Variants in FOXK2 observed in about 807,000 individuals in gnomAD.
FOXK2 encodes forkhead box protein K2.
A neutral mutation model predicts 53.3 loss-of-function variants in FOXK2; 24 were observed. The observed-to-expected ratio is 0.45, with a 90% CI of 0.33 to 0.63. FOXK2 has a LOEUF of 0.63. Among genes scored for constraint, FOXK2 ranks in the 30% least tolerant of loss-of-function variants. The pLI, the probability that FOXK2 is intolerant of heterozygous loss-of-function variation, is 0.03. For synonymous variants in FOXK2, 505 were observed against 407.1 expected, an observed-to-expected ratio of 1.24 and a Z score of -2.89; for missense variants, 952 against 910.5, an observed-to-expected ratio of 1.05 and a Z score of -0.59.
At chr17:82,580,865 A>G (rs1598225489) in intron 4 of FOXK2, among the ~76,000 whole-genome samples, 1 of 114,392 alleles carries the variant, frequency 8.7e-6, no homozygotes, top group Non-Finnish European at 1.8e-5. Flanking sequence ...TCTCCATGTC[A>G]CCCATGAAGT....
chr17:82,559,066 A>G (rs539235598), intron 1 of FOXK2, among the ~76,000 whole-genome samples: 7 of 151,984 alleles, frequency 4.6e-5, no homozygotes, highest in Admixed American at 3.9e-4. Flanking sequence ...GTTAATTTTT[A>G]TGTTTTTAGT....
chr17:82,601,270 G>C, intron 8 of FOXK2, 33 bp from the exon 9 acceptor site: 1 of 1,596,238 alleles, frequency 6.3e-7, no homozygotes, highest in Non-Finnish European at 8.5e-7. Context: ...TCACGTGAGA[G>C]CGTGGGGTTC....
At chr17:82,587,924 T>C (rs1293615189) in intron 8 of FOXK2, among the ~76,000 whole-genome samples, 1 of 152,200 alleles carries the variant, frequency 6.6e-6, no homozygotes, top group Non-Finnish European at 1.5e-5. Context: ...TGGCTGATCC[T>C]GGCGCTTGCG....
At position 82,535,754 on chromosome 17, in the gene FOXK2, G is replaced by GT. The variant is rs909303391; in HGVS notation, c.419+15457dup. Among the ~76,000 whole-genome samples, 188 of 143,860 alleles carry GT rather than the reference G, an allele frequency of 1.3e-3. 3 individuals are homozygous for GT. The highest frequency in any genetic ancestry group is 3.6e-3 in the Middle Eastern group (1 of 278). 94.4% of individuals were successfully genotyped at this position (143,860 alleles called of 152,430 possible). A position where few individuals can be genotyped will look rare whatever the true frequency, so the allele number is the denominator to read the frequency against. On this transcript the variant is annotated intron_variant, in intron 1 of 8. Transcript: ENST00000335255. ...CTTTTAGTTGTGTGTTTTTGTTTTTGTTTTTTTTTTGAGATGGAGTTTCAC... is the reference window on the plus strand; with the variant it reads ...CTTTTAGTTGTGTGTTTTTGTTTTTGTTTTTTTTTTTGAGATGGAGTTTCAC...
Position 82,519,887 on chromosome 17 carries a change from C to T in FOXK2, c.-2C>T. On this transcript the variant is annotated 5_prime_UTR_variant, in exon 1 of 9. Transcript: ENST00000335255. ...GCGGCCCGGGGGCCCTCACGCAGGC[C>T]CATGGCGGCGGCCGCGGCGGCGCTC... 1 of 977,814 alleles carries T rather than the reference C, an allele frequency of 1.0e-6. No homozygotes were observed. The highest frequency in any genetic ancestry group is 1.2e-6 in the Non-Finnish European group (1 of 826,774). The allele number at this position is 977,814 out of a possible 1,614,324, so 60.6% of individuals were successfully genotyped here. A position where few individuals can be genotyped will look rare whatever the true frequency, so the allele number is the denominator to read the frequency against.
At position 82,587,163 on chromosome 17, in the gene FOXK2, A is replaced by G. The variant is rs2045191928; in HGVS notation, c.1677A>G (p.Ile559Met). 6.2e-7 allele frequency: 1 copy of G among 1,613,094 alleles called. No individual in the cohort carries two copies. The highest frequency in any genetic ancestry group is 1.3e-5 in the African/African-American group (1 of 75,054). Residue 559 changes from isoleucine to methionine, a missense_variant, in exon 8 of 9, where the codon ATA (isoleucine) becomes ATG (methionine). Coordinates refer to ENST00000335255, the MANE Select transcript of FOXK2 (RefSeq NM_004514.4). ...CCACCCCGGTCCAGACGGTGACCATAGTACAACAGGCACCTCTAGGTCAAC... is the reference window on the plus strand; with the variant it reads ...CCACCCCGGTCCAGACGGTGACCATGGTACAACAGGCACCTCTAGGTCAAC... ...AQTTPVQTVT[I>M]VQQAPLGQHQ... is the part of the protein sequence containing the mutation.
intron 1 of FOXK2, among the ~76,000 whole-genome samples, chr17:82,537,612 T>C (rs1599882594): frequency 1.2e-5 from 1 of 81,824 alleles, no homozygotes; most frequent in Admixed American, 2.0e-4. Flanking sequence ...AGAGTGAGAC[T>C]CCATCTCAAA....
At position 82,564,941 on chromosome 17, in the gene FOXK2, G is replaced by A. The variant is rs572907286; in HGVS notation, c.614+1393G>A. Among the ~76,000 whole-genome samples the A allele has an allele frequency of 2.9e-4, 44 of 151,830 alleles. 2 individuals are homozygous for A. In the South Asian group the frequency reaches 9.2e-3, roughly 32 times the overall value. On this transcript the variant is annotated intron_variant, in intron 2 of 8. Transcript: ENST00000335255. ...GATGGGGTTTCTCCATGTTGGTCAG[G>A]GTGGTCTTGAAATCCTGACCTCAGG... is the stretch of plus-strand genomic sequence containing the variant.
At chr17:82,594,300 C>T (rs1447018821) in intron 8 of FOXK2, among the ~76,000 whole-genome samples, 1 of 152,074 alleles carries the variant, frequency 6.6e-6, no homozygotes, top group Admixed American at 6.5e-5. Flanking sequence ...AGATTGAGAC[C>T]ATCCTGGCTA....
At chr17:82,572,316 AC>A (rs1482073131) in intron 4 of FOXK2, among the ~76,000 whole-genome samples, 1 of 152,182 alleles carries the variant, frequency 6.6e-6, no homozygotes, top group East Asian at 1.9e-4. Context: ...ACCGCATTTT[AC>A]CAAGGAACAC....
At chr17:82,568,307 G>A in intron 3 of FOXK2, 106 bp downstream of exon 3, 1 of 1,372,478 alleles carries the variant, frequency 7.3e-7, no homozygotes, top group Non-Finnish European at 1.0e-6. Flanking sequence ...TGACAGCCCT[G>A]CCAGGGCATC....
chr17:82,520,292 T>C lies in FOXK2; in HGVS notation c.404T>C (p.Leu135Pro). The stretch of plus-strand genomic sequence containing the variant: ...TTCCAGAGGCGCGGGGCGCCGCCGC[T>C]GCAGCTGCCGCGCGTGTGAGTGGCC... The part of the protein sequence containing the change: ...GVFQRRGAPP[L>P]QLPRVCTFRF... Residue 135 changes from leucine to proline, a missense_variant, in exon 1 of 9, where the codon CTG becomes CCG. Transcript: ENST00000335255. 1 of 1,257,968 alleles carries C rather than the reference T, an allele frequency of 7.9e-7. No homozygotes were observed. Among genetic ancestry groups the C allele is most frequent in the Non-Finnish European group, 1.0e-6 (1 of 995,130 alleles). 77.9% of individuals were successfully genotyped at this position (1,257,968 alleles called of 1,614,324 possible).
At chr17:82,577,897 C>G (rs1309322812) in intron 4 of FOXK2, 1 of 152,146 alleles carries the variant, frequency 6.6e-6, no homozygotes, top group Admixed American at 6.5e-5. Flanking sequence ...GCCACCATGC[C>G]CGGCTAATTT....
chr17:82,543,174 A>G (rs75727845), intron 1 of FOXK2, among the ~76,000 whole-genome samples: 22,739 of 115,984 alleles, frequency 0.2, 2,183 homozygotes, highest in East Asian at 0.41. Context: ...ACTGTTATCT[A>G]AATCCACAAC....
chr17:82,544,043 T>C (rs1022950386), intron 1 of FOXK2, among the ~76,000 whole-genome samples: 2 of 152,134 alleles, frequency 1.3e-5, no homozygotes, highest in Non-Finnish European at 2.9e-5. Context: ...CCCAAAGTGC[T>C]CGGATTACAG....
intron 6 of FOXK2, 74 bp downstream of exon 6, chr17:82,584,262 G>T (rs1416601831): frequency 4.9e-6 from 7 of 1,433,444 alleles, no homozygotes; most frequent in Non-Finnish European, 6.4e-6. Flanking sequence ...CCACAGAGAA[G>T]AAACAGCCGG....
At chr17:82,532,999 A>G (rs1243177718) in intron 1 of FOXK2, among the ~76,000 whole-genome samples, 1 of 152,216 alleles carries the variant, frequency 6.6e-6, no homozygotes, top group Non-Finnish European at 1.5e-5. Context: ...ACATAGGGTC[A>G]GGACCAGCAG....
intron 8 of FOXK2, among the ~76,000 whole-genome samples, chr17:82,595,027 G>A (rs2045295312): frequency 6.6e-6 from 1 of 152,206 alleles, no homozygotes; most frequent in Non-Finnish European, 1.5e-5. Context: ...GAGACAGGGT[G>A]AGACCCTCTC....
chr17:82,583,415 C>T (rs1218540258), intron 5 of FOXK2, among the ~76,000 whole-genome samples: 1 of 152,158 alleles, frequency 6.6e-6, no homozygotes, highest in East Asian at 1.9e-4. Flanking sequence ...GGCGCGGTGG[C>T]GCGCGCCTGT....
Sources: gnomAD v4.1 joint callset for allele counts (sites outside exome capture counted in the v4.1 genomes callset) on GRCh38, gnomAD v4.1.1 for gene constraint, MANE v1.5 for transcripts, NCBI Gene and HGNC (gene_info 2026-07-23, HGNC 2026-07-21) for gene names.